Variants in CDYL observed in about 807,000 individuals in gnomAD.
The protein encoded by CDYL is chromodomain Y like, also known as chromodomain Y-like protein.
A neutral mutation model predicts 47.3 loss-of-function variants in CDYL; 8 were observed. That is an observed-to-expected ratio of 0.17 (90% CI 0.10 to 0.31). The LOEUF (loss-of-function observed/expected upper bound fraction) is 0.31. Among genes scored for constraint, CDYL ranks in the 10% least tolerant of loss-of-function variants. The pLI is 1.00. For synonymous variants in CDYL, 266 were observed against 265.0 expected (o/e 1.00, Z -0.04); for missense variants, 471 against 701.4 (o/e 0.67, Z 3.71).
At chr6:4,824,766 C>T (rs1011732881) in intron 1 of CDYL, among the ~76,000 whole-genome samples, 6 of 152,064 alleles carry the variant, frequency 3.9e-5, no homozygotes, top group Non-Finnish European at 8.8e-5. Flanking sequence ...CTTTGGGTGA[C>T]ATATCCAACT....
intron 2 of CDYL, among the ~76,000 whole-genome samples, chr6:4,929,195 T>G (rs1305081258): frequency 2.0e-5 from 3 of 152,222 alleles, no homozygotes; most frequent in Admixed American, 6.5e-5. Context: ...GAAGGACATT[T>G]ATGCTGCATT....
intron 5 of CDYL, chr6:4,943,963 C>A (rs775795835): frequency 5.5e-5 from 26 of 475,966 alleles, no homozygotes; most frequent in Non-Finnish European, 9.6e-5. Context: ...AGGAGCCTAC[C>A]ACTTTGCATA....
chr6:4,859,493 G>A (rs903857742), intron 1 of CDYL, among the ~76,000 whole-genome samples: 8 of 152,174 alleles, frequency 5.3e-5, no homozygotes, highest in East Asian at 1.9e-4. Flanking sequence ...TCTCCAGAGC[G>A]CTACCACACT....
At chr6:4,732,666 A>T (rs79806048) in intron 2 of CDYL, among the ~76,000 whole-genome samples, 59 of 115,716 alleles carry the variant, frequency 5.1e-4, no homozygotes, top group African/African-American at 2.2e-3. Context: ...CTGTTTTTTA[A>T]AAAAAAAGAG....
chr6:4,813,128 C>T (rs1267253173), intron 1 of CDYL, among the ~76,000 whole-genome samples: 1 of 152,152 alleles, frequency 6.6e-6, no homozygotes, highest in Non-Finnish European at 1.5e-5. Context: ...CAGTCTTCTA[C>T]CTTCGAATTA....
intron 1 of CDYL, among the ~76,000 whole-genome samples, chr6:4,711,533 G>A (rs1167835115): frequency 6.6e-6 from 1 of 152,192 alleles, no homozygotes; most frequent in South Asian, 2.1e-4. Context: ...CCAGAGAACA[G>A]CACAGAACCA....
At chr6:4,827,843 C>T (rs898149465) in intron 1 of CDYL, among the ~76,000 whole-genome samples, 10 of 152,038 alleles carry the variant, frequency 6.6e-5, no homozygotes, top group East Asian at 3.9e-4. Flanking sequence ...TAAGTAGAGA[C>T]GGGGTTTCAC....
intron 3 of CDYL, among the ~76,000 whole-genome samples, chr6:4,743,807 A>AC (rs1235671675): frequency 6.6e-6 from 1 of 152,236 alleles, no homozygotes; most frequent in Admixed American, 6.5e-5. Flanking sequence ...CAAGGTGGTA[A>AC]CCCCACAGAT....
intron 1 of CDYL, among the ~76,000 whole-genome samples, chr6:4,879,454 T>G (rs1290216300): frequency 6.6e-6 from 1 of 152,166 alleles, no homozygotes; most frequent in African/African-American, 2.4e-5. Flanking sequence ...TGAAGTTTAC[T>G]TCGGTAAACA....
intron 1 of CDYL, among the ~76,000 whole-genome samples, chr6:4,825,962 G>A (rs1759971884): frequency 1.3e-5 from 2 of 152,176 alleles, no homozygotes; most frequent in Admixed American, 6.5e-5. Flanking sequence ...GGAAGTGATG[G>A]GGGTAATGCA....
intron 1 of CDYL, among the ~76,000 whole-genome samples, chr6:4,709,884 G>A (rs974226728): frequency 6.6e-6 from 1 of 152,090 alleles, no homozygotes; most frequent in African/African-American, 2.4e-5. Context: ...CTTTAATTCA[G>A]CTATGTTTCA....
chr6:4,860,511 A>T (rs914531148), intron 1 of CDYL, among the ~76,000 whole-genome samples: 6 of 147,694 alleles, frequency 4.1e-5, no homozygotes, highest in African/African-American at 1.5e-4. Flanking sequence ...ATATATATAA[A>T]AAATATATAT....
chr6:4,795,842 G>C (rs990949296), intron 1 of CDYL, among the ~76,000 whole-genome samples: 5 of 151,776 alleles, frequency 3.3e-5, no homozygotes, highest in African/African-American at 9.7e-5. Flanking sequence ...GTTGAACATT[G>C]AGCTCGTATT....
chr6:4,892,230 T>A lies in CDYL; in HGVS notation c.542T>A (p.Val181Glu). Reference sequence around the variant, plus strand: ...CAGGAGGACACAGTGGCACCCGAAGTGGCAGCGGAAAAGCCGGTCGGAGCT... The same window carrying A: ...CAGGAGGACACAGTGGCACCCGAAGAGGCAGCGGAAAAGCCGGTCGGAGCT... ...QGQEDTVAPE[V>E]AAEKPVGALL... Residue 181 changes from valine to glutamate, a missense_variant, in exon 2 of 7, where the codon GTG becomes GAG. This residue lies in a region of CDYL where 311 missense variants were observed against 350.0 expected (regional missense o/e 0.89). Coordinates refer to ENST00000397588, the MANE Select transcript of CDYL (RefSeq NM_004824.4). The A allele has an allele frequency of 6.2e-7, 1 of 1,614,170 alleles. No individual in the cohort carries two copies. The highest frequency in any genetic ancestry group is 8.5e-7 in the Non-Finnish European group (1 of 1,180,026).
At chr6:4,932,313 A>G (rs1758055192) in intron 2 of CDYL, among the ~76,000 whole-genome samples, 1 of 152,218 alleles carries the variant, frequency 6.6e-6, no homozygotes, top group South Asian at 2.1e-4. Context: ...TTCCTGGTTC[A>G]CAAATAGCAC....
At chr6:4,823,376 A>C (rs1231114196) in intron 1 of CDYL, among the ~76,000 whole-genome samples, 1 of 152,230 alleles carries the variant, frequency 6.6e-6, no homozygotes, top group Non-Finnish European at 1.5e-5. Flanking sequence ...GTCACTGGTA[A>C]GAGTGCATGG....
chr6:4,713,038 G>A (rs887507624), intron 1 of CDYL, among the ~76,000 whole-genome samples: 7 of 152,202 alleles, frequency 4.6e-5, no homozygotes, highest in Non-Finnish European at 7.3e-5. Flanking sequence ...CCAGGAACTT[G>A]GGAGGCTGAG....
intron 2 of CDYL, among the ~76,000 whole-genome samples, chr6:4,923,459 C>G (rs1203912838): frequency 2.0e-5 from 3 of 152,106 alleles, no homozygotes; most frequent in African/African-American, 7.2e-5. Context: ...TTTTCTTTAT[C>G]CATTCATTTG....
chr6:4,776,668 G>A lies in CDYL; in HGVS notation c.-116G>A. 1.1e-6 allele frequency: 1 copy of A among 942,788 alleles called. No individual in the cohort carries two copies. The highest frequency in any genetic ancestry group is 1.4e-6 in the Non-Finnish European group (1 of 715,802). The allele number at this position is 942,788 out of a possible 1,614,324, so 58.4% of individuals were successfully genotyped here. On this transcript the variant is annotated 5_prime_UTR_variant, in exon 1 of 7. Coordinates refer to ENST00000397588, the MANE Select transcript of CDYL (RefSeq NM_004824.4). The stretch of plus-strand genomic sequence containing the variant: ...CTCGTCCGTGCCCAGCGCCCGGCCG[G>A]CCGCGGGAGCAGGAAGCGCAGGCCA...
Sources: allele counts gnomAD v4.1 joint callset (sites outside exome capture counted in the v4.1 genomes callset), GRCh38; gene constraint gnomAD v4.1.1; regional missense constraint gnomAD v4.1.1; transcripts MANE v1.5; gene names NCBI Gene and HGNC (gene_info 2026-07-23, HGNC 2026-07-21).